Variants in ZNF429 observed in about 807,000 individuals in gnomAD.
The protein encoded by ZNF429 is zinc finger protein 429.
In ZNF429, 53 loss-of-function variants were observed where a neutral mutation model predicts 56.8. The observed-to-expected ratio is 0.93, with a 90% CI of 0.75 to 1.17. ZNF429 has a LOEUF of 1.17. Ranked by LOEUF, ZNF429 falls within the 50% of genes most tolerant of loss-of-function variation. The pLI is 0.00. For synonymous variants in ZNF429, 278 were observed against 264.7 expected (o/e 1.05, Z -0.49); for missense variants, 849 against 788.4 (o/e 1.08, Z -0.92).
intron 1 of ZNF429, among the ~76,000 whole-genome samples, chr19:21,512,228 G>C (rs185995703): frequency 1.1e-4 from 17 of 152,276 alleles, no homozygotes; most frequent in African/African-American, 4.1e-4. Flanking sequence ...TGGCACTGAT[G>C]GGAGTGTGGC....
chr19:21,524,931 G>C (rs999436690), intron 1 of ZNF429, among the ~76,000 whole-genome samples: 1 of 152,150 alleles, frequency 6.6e-6, no homozygotes, highest in Non-Finnish European at 1.5e-5. Context: ...AAGACGAGGA[G>C]GAGGTCTGGA....
Position 21,530,594 on chromosome 19 carries a change from G to A in ZNF429, c.136G>A (p.Ala46Thr). 1 of 1,595,844 alleles carries A rather than the reference G, an allele frequency of 6.3e-7. No homozygotes were observed. The highest frequency in any genetic ancestry group is 8.5e-7 in the Non-Finnish European group (1 of 1,172,626). Reference sequence around the variant, plus strand: ...CTTTATTTTTAATAAAACAGGTATTGCTGTTTCTAAGCCAGACCTAATCAC... The same window carrying A: ...CTTTATTTTTAATAAAACAGGTATTACTGTTTCTAAGCCAGACCTAATCAC... ...NYRNLVFLGI[A>T]VSKPDLITCL... is the part of the protein sequence containing the mutation. The change falls in exon 3 of 4, where the codon GCT becomes ACT. Residue 46 changes from alanine (A) to threonine (T), a missense_variant. Transcript: ENST00000358491.
chr19:21,531,694 A>T, intron 3 of ZNF429, among the ~76,000 whole-genome samples: 1 of 151,964 alleles, frequency 6.6e-6, no homozygotes, highest in Non-Finnish European at 1.5e-5. Flanking sequence ...AATCCTAGCT[A>T]CTTGGGAGAC....
intron 1 of ZNF429, among the ~76,000 whole-genome samples, chr19:21,506,525 C>T: frequency 6.6e-6 from 1 of 151,300 alleles, no homozygotes. Flanking sequence ...GTAAAGCACC[C>T]AGCTGTGGGA....
rs11882098 is a variant in ZNF429 at position 21,511,814 on chromosome 19, T to C, written c.3+6040T>C. 9.9e-3 allele frequency among the ~76,000 whole-genome samples: 1,505 copies of C among 152,208 alleles called. 26 individuals carry two copies. The highest frequency in any genetic ancestry group is 0.034 in the African/African-American group (1,409 of 41,516). Reference sequence around the variant, plus strand: ...TGAACACTGAGTGAATGAGACTCCTTCTGCAATCCCGGCACCTTGGGAGGC... The same window carrying C: ...TGAACACTGAGTGAATGAGACTCCTCCTGCAATCCCGGCACCTTGGGAGGC... On this transcript the variant is annotated intron_variant, in intron 1 of 3. Coordinates refer to ENST00000358491, the MANE Select transcript of ZNF429 (RefSeq NM_001001415.4).
intron 3 of ZNF429, among the ~76,000 whole-genome samples, chr19:21,535,325 T>TTCTTTCTTTCTTTC: frequency 1.6e-5 from 2 of 124,652 alleles, no homozygotes; most frequent in African/African-American, 8.2e-5. Context: ...CTTTCTTTCT[T>TTCTTTCTTTCTTTC]TCTCTTTTCT....
chr19:21,527,325 G>A (rs918286063), intron 1 of ZNF429, among the ~76,000 whole-genome samples: 3 of 152,086 alleles, frequency 2.0e-5, no homozygotes, highest in Admixed American at 6.6e-5. Context: ...GTTATCAGCC[G>A]GGGTTTCTAA....
intron 3 of ZNF429, among the ~76,000 whole-genome samples, chr19:21,535,003 T>C: frequency 2.4e-4 from 32 of 131,894 alleles, no homozygotes; most frequent in African/African-American, 8.3e-4. Context: ...TTTTTTTTTT[T>C]TTTTTAGTAG....
chr19:21,508,640 T>G (rs1440334219), intron 1 of ZNF429, among the ~76,000 whole-genome samples: 3 of 152,128 alleles, frequency 2.0e-5, no homozygotes, highest in African/African-American at 7.2e-5. Context: ...CTTTTTTTTT[T>G]GTTAAAAATT....
chr19:21,506,009 G>C (rs1449043651), intron 1 of ZNF429: 3 of 399,818 alleles, frequency 7.5e-6, no homozygotes, highest in Non-Finnish European at 1.4e-5. Context: ...GTGTAGCCCT[G>C]TCTGGGGAGC....
chr19:21,510,631 G>A (rs960769626), intron 1 of ZNF429, among the ~76,000 whole-genome samples: 1 of 151,650 alleles, frequency 6.6e-6, no homozygotes, highest in African/African-American at 2.4e-5. Context: ...CTCACAGAGG[G>A]GGATTTGGCA....
intron 1 of ZNF429, among the ~76,000 whole-genome samples, chr19:21,528,841 T>G (rs1037437206): frequency 4.6e-4 from 70 of 152,324 alleles, no homozygotes; most frequent in African/African-American, 1.5e-3. Flanking sequence ...TGAGGCTATG[T>G]CTTTCTGTAT....
rs1005442210 is a variant in ZNF429 at position 21,528,492 on chromosome 19, G to A, written c.4-1166G>A. Among the ~76,000 whole-genome samples, 10 of 151,994 alleles carry A rather than the reference G, an allele frequency of 6.6e-5. 1 individual carries two copies. The highest frequency in any genetic ancestry group is 6.6e-4 in the Admixed American group (10 of 15,248). Reference sequence around the variant, plus strand: ...GGCCGTGGTGGGTGGATAACTTGAGGTCAGGAGTTCAAAACCTGTCTGACC... The same window carrying A: ...GGCCGTGGTGGGTGGATAACTTGAGATCAGGAGTTCAAAACCTGTCTGACC... On this transcript the variant is annotated intron_variant, in intron 1 of 3. Coordinates refer to ENST00000358491, the MANE Select transcript of ZNF429 (RefSeq NM_001001415.4).
chr19:21,510,979 T>A lies in ZNF429; in HGVS notation c.3+5205T>A, dbSNP rs1027108368. Among the ~76,000 whole-genome samples, 103 of 152,018 alleles carry A rather than the reference T, an allele frequency of 6.8e-4. 1 individual carries two copies. Among genetic ancestry groups the A allele is most frequent in the African/African-American group, 2.1e-3 (87 of 41,480 alleles). On this transcript the variant is annotated intron_variant, in intron 1 of 3. Coordinates refer to ENST00000358491, the MANE Select transcript of ZNF429 (RefSeq NM_001001415.4). Reference sequence around the variant, plus strand: ...AAATGAAAAGTCTCCCATGTCTACTTCTTTCTACACAGACACAGCAACCAT... The same window carrying A: ...AAATGAAAAGTCTCCCATGTCTACTACTTTCTACACAGACACAGCAACCAT...
intron 1 of ZNF429, among the ~76,000 whole-genome samples, chr19:21,523,156 C>G (rs2033043515): frequency 1.3e-5 from 2 of 152,168 alleles, no homozygotes. Flanking sequence ...TCTCCACTTT[C>G]CCCTTCCTCC....
intron 1 of ZNF429, among the ~76,000 whole-genome samples, chr19:21,518,062 A>G (rs1030505133): frequency 1.5e-5 from 1 of 66,698 alleles, no homozygotes; most frequent in African/African-American, 5.7e-5. Context: ...TGCTGGGATT[A>G]CAGGCATTGT....
At position 21,539,078 on chromosome 19, in the gene ZNF429, A is replaced by C. The variant is rs2033829854; in HGVS notation, c.*1000A>C. Among the ~76,000 whole-genome samples the C allele has an allele frequency of 6.6e-6, 1 of 151,962 alleles. No homozygotes were observed. The highest frequency in any genetic ancestry group is 2.4e-5 in the African/African-American group (1 of 41,362). On this transcript the variant is annotated 3_prime_UTR_variant, in exon 4 of 4. Coordinates refer to ENST00000358491, the MANE Select transcript of ZNF429 (RefSeq NM_001001415.4). ...AAAAACTTTTTTTTCCCCAAAAACT[A>C]TACCTCAGGAAACAATGGAGAGTTT...
At chr19:21,522,321 G>A (rs1025698586) in intron 1 of ZNF429, among the ~76,000 whole-genome samples, 2 of 152,188 alleles carry the variant, frequency 1.3e-5, no homozygotes, top group African/African-American at 2.4e-5. Context: ...ACATGGTGCT[G>A]TAAGTTCTTC....
intron 3 of ZNF429, among the ~76,000 whole-genome samples, chr19:21,531,545 T>C: frequency 1.3e-5 from 2 of 152,166 alleles, no homozygotes; most frequent in African/African-American, 4.8e-5. Context: ...GGCTCATGTC[T>C]ATAATCCCAG....
Sources: gnomAD v4.1 joint callset for allele counts (sites outside exome capture counted in the v4.1 genomes callset) on GRCh38, gnomAD v4.1.1 for gene constraint, MANE v1.5 for transcripts, NCBI Gene and HGNC (gene_info 2026-07-23, HGNC 2026-07-21) for gene names.